Variants in POLR3H observed in about 807,000 individuals in gnomAD.
POLR3H encodes RNA polymerase III subunit H, also known as DNA-directed RNA polymerase III subunit RPC8.
In POLR3H, 17 loss-of-function variants were observed where a neutral mutation model predicts 25.5. That is an observed-to-expected ratio of 0.67 (90% confidence interval 0.46 to 1.00). The LOEUF is 1.00. POLR3H is among the 50% of genes least tolerant of loss of function. The probability of loss-of-function intolerance (pLI) is 0.00; values close to 1 mark genes in which losing one functional copy is unlikely to be tolerated. For missense variants in POLR3H, 274 were observed against 265.0 expected (o/e 1.03, Z -0.24); for synonymous variants, 129 against 103.0 (o/e 1.25, Z -1.53).
chr22:41,530,943 G>C, intron 4 of POLR3H, 55 bp from the exon 5 acceptor site: 1 of 1,554,798 alleles, frequency 6.4e-7, no homozygotes, highest in Non-Finnish European at 8.8e-7. Context: ...GCTTCCCTCA[G>C]CACCCACTCC....
rs2066618971 is a variant in POLR3H at position 41,527,224 on chromosome 22, G to A, written c.*2059C>T. On this transcript the variant is annotated 3_prime_UTR_variant, in exon 6 of 6. Coordinates refer to ENST00000355209, the MANE Select transcript of POLR3H (RefSeq NM_001018050.4). ...CCAGGTGGGTGAGGCCAGGCAGGTA[G>A]GGCCAGACAGGTGAGGACGGTGCCC... 3.1e-6 allele frequency: 5 copies of A among 1,612,246 alleles called. No individual in the cohort carries two copies. The highest frequency in any genetic ancestry group is 1.3e-5 in the African/African-American group (1 of 74,924).
At chr22:41,534,231 C>T (rs1384775045) in intron 2 of POLR3H, among the ~76,000 whole-genome samples, 1 of 152,168 alleles carries the variant, frequency 6.6e-6, no homozygotes, top group Non-Finnish European at 1.5e-5. Context: ...CATGATCCTG[C>T]GCCCAGGGAG....
At chr22:41,537,176 T>C (rs982622092) in intron 2 of POLR3H, among the ~76,000 whole-genome samples, 1 of 152,072 alleles carries the variant, frequency 6.6e-6, no homozygotes, top group African/African-American at 2.4e-5. Context: ...ACAAAGGCCA[T>C]CATCTGTGAG....
In POLR3H at chr22:41,532,152, G is replaced by A. The variant is rs568019918; in HGVS notation, c.301C>T (p.Leu101=). Residue 101 remains leucine (L), a synonymous_variant, in exon 4 of 6, where the codon CTA becomes TTA. Coordinates refer to ENST00000355209, the MANE Select transcript of POLR3H (RefSeq NM_001018050.4). The part of the protein sequence containing the change: ...GCSPEGVHVS[L]GFFDDILIPP... ...ATGAGAATGTCATCGAAGAAGCCTA[G>A]AGAGACTGGAAGGAAGGAAGCAGGT... 2 of 1,614,042 alleles carry A rather than the reference G, an allele frequency of 1.2e-6. No individual in the cohort carries two copies. The highest frequency in any genetic ancestry group is 2.2e-5 in the East Asian group (1 of 44,876).
chr22:41,527,608 AGG>A lies in POLR3H; in HGVS notation c.*1673_*1674del, dbSNP rs2066629442. On this transcript the variant is annotated 3_prime_UTR_variant, in exon 6 of 6. Transcript: ENST00000355209. ...GACGCTCAGCTTCCCGGCTTCCCGC[AGG>A]CCCTGCTTCCAGGCTTGTAGATCTG... is the stretch of plus-strand genomic sequence containing the variant. The A allele has an allele frequency of 6.8e-6, 6 of 887,838 alleles. No homozygotes were observed. The Admixed American group carries it at 8.7e-5, about 13-fold the overall frequency. The allele number at this position is 887,838 out of a possible 1,614,324, so 55.0% of individuals were successfully genotyped here. A position where few individuals can be genotyped will look rare whatever the true frequency, so the allele number is the denominator to read the frequency against.
chr22:41,527,529 G>T lies in POLR3H; in HGVS notation c.*1754C>A. ...CTGGTTCTAGGCTGTGTCCACTGCA[G>T]CCCACAGGCCCGTCAGCCTCTTGCC... On this transcript the variant is annotated 3_prime_UTR_variant, in exon 6 of 6. Transcript: ENST00000355209. 1 of 1,422,896 alleles carries T rather than the reference G, an allele frequency of 7.0e-7. No individual in the cohort carries two copies. The highest frequency in any genetic ancestry group is 1.4e-5 in the South Asian group (1 of 74,070). 88.1% of individuals were successfully genotyped at this position (1,422,896 alleles called of 1,614,324 possible).
rs968019101 is a variant in POLR3H at position 41,527,096 on chromosome 22, G to A, written c.*2187C>T. 7 of 759,810 alleles carry A rather than the reference G, an allele frequency of 9.2e-6. No individual in the cohort carries two copies. Among genetic ancestry groups the A allele is most frequent in the African/African-American group, 1.8e-5 (1 of 56,568 alleles). The allele number at this position is 759,810 out of a possible 1,614,324, so 47.1% of individuals were successfully genotyped here. On this transcript the variant is annotated 3_prime_UTR_variant, in exon 6 of 6. Transcript: ENST00000355209. ...AACCACGTGCCTCTGTCCCCTCGGG[G>A]CCTCGTTTGGGTCTCATTCACGCAG...
intron 1 of POLR3H, among the ~76,000 whole-genome samples, chr22:41,542,981 C>T (rs1428692661): frequency 3.9e-5 from 6 of 152,010 alleles, no homozygotes; most frequent in Non-Finnish European, 7.4e-5. Context: ...CCAGCCTGGG[C>T]GACAAGAGCG....
rs748713048 is a variant in POLR3H at position 41,528,062 on chromosome 22, G to A, written c.*1221C>T. 1.5e-5 allele frequency: 25 copies of A among 1,613,190 alleles called. No homozygotes were observed. The East Asian group carries it at 4.0e-4, about 26-fold the overall frequency. ...TCCCCCTGAGGTGGTGGGGTGAGGGGCAGCCACCTTGTTTCCCCTCCTGCA... is the reference window on the plus strand; with the variant it reads ...TCCCCCTGAGGTGGTGGGGTGAGGGACAGCCACCTTGTTTCCCCTCCTGCA... On this transcript the variant is annotated 3_prime_UTR_variant, in exon 6 of 6. Coordinates refer to ENST00000355209, the MANE Select transcript of POLR3H (RefSeq NM_001018050.4).
rs1340906204 is a variant in POLR3H, at chr22:41,526,974, C to T, written c.*2309G>A. On this transcript the variant is annotated 3_prime_UTR_variant, in exon 6 of 6. Coordinates refer to ENST00000355209, the MANE Select transcript of POLR3H (RefSeq NM_001018050.4). ...CTTCACAGATGCATCTTGTGTGGGG[C>T]CCGGAGGCCGTCCCTGTCTCACCCA... 4.3e-6 allele frequency: 2 copies of T among 459,858 alleles called. No homozygotes were observed. The highest frequency in any genetic ancestry group is 7.8e-6 in the Non-Finnish European group (2 of 255,108). 28.5% of individuals were successfully genotyped at this position (459,858 alleles called of 1,614,324 possible).
At chr22:41,531,330 T>C (rs2066729424) in intron 4 of POLR3H, among the ~76,000 whole-genome samples, 1 of 152,182 alleles carries the variant, frequency 6.6e-6, no homozygotes, top group Non-Finnish European at 1.5e-5. Context: ...ACCTGCCCAC[T>C]TGGATGACAG....
Position 41,528,666 on chromosome 22 carries a change from C to G in POLR3H, c.*617G>C. ...GCGTCAAGTTCAGCTCCACGTGTGC[C>G]ATCAGTGGATCCGATCCGTCCAGCC... On this transcript the variant is annotated 3_prime_UTR_variant, in exon 6 of 6. Transcript: ENST00000355209. 6.3e-7 allele frequency: 1 copy of G among 1,599,014 alleles called. No homozygotes were observed. The highest frequency in any genetic ancestry group is 1.1e-5 in the South Asian group (1 of 89,578).
chr22:41,533,609 C>G (rs1039717377), intron 2 of POLR3H: 1 of 1,301,668 alleles, frequency 7.7e-7, no homozygotes, highest in African/African-American at 1.5e-5. Context: ...ACCATTTAGT[C>G]GGCCAACATG....
In POLR3H at chr22:41,528,737, C is replaced by T. The variant is rs2066658890; in HGVS notation, c.*546G>A. On this transcript the variant is annotated 3_prime_UTR_variant, in exon 6 of 6. Coordinates refer to ENST00000355209, the MANE Select transcript of POLR3H (RefSeq NM_001018050.4). Reference sequence around the variant, plus strand: ...GGTGTGACCAGACATGCTTCCTGCTCCCCGCTTAGCCCACGGAGTGACTGT... The same window carrying T: ...GGTGTGACCAGACATGCTTCCTGCTTCCCGCTTAGCCCACGGAGTGACTGT... 1.5e-6 allele frequency: 2 copies of T among 1,347,104 alleles called. No homozygotes were observed. The highest frequency in any genetic ancestry group is 2.0e-6 in the Non-Finnish European group (2 of 1,006,722). 83.4% of individuals were successfully genotyped at this position (1,347,104 alleles called of 1,614,324 possible). A position where few individuals can be genotyped will look rare whatever the true frequency, so the allele number is the denominator to read the frequency against.
Position 41,527,014 on chromosome 22 carries a change from A to G in POLR3H, c.*2269T>C, listed in dbSNP as rs2066613183. 1.9e-6 allele frequency: 1 copy of G among 528,382 alleles called. No individual in the cohort carries two copies. Among genetic ancestry groups the G allele is most frequent in the Non-Finnish European group, 3.4e-6 (1 of 296,436 alleles). 32.7% of individuals were successfully genotyped at this position (528,382 alleles called of 1,614,324 possible). ...TGTCTCACCCAACCTCCCTCCACAC[A>G]CACCTGCCTCTGCCAAGCACCAATG... is the stretch of plus-strand genomic sequence containing the variant. On this transcript the variant is annotated 3_prime_UTR_variant, in exon 6 of 6. Transcript: ENST00000355209.
chr22:41,531,881 C>A (rs1332141871), intron 4 of POLR3H, among the ~76,000 whole-genome samples: 1 of 152,200 alleles, frequency 6.6e-6, no homozygotes, highest in Non-Finnish European at 1.5e-5. Flanking sequence ...GCCTGATGGC[C>A]CCGACAAAGA....
intron 2 of POLR3H, among the ~76,000 whole-genome samples, chr22:41,537,408 C>T (rs772323229): frequency 1.3e-5 from 2 of 152,174 alleles, no homozygotes; most frequent in Non-Finnish European, 2.9e-5. Context: ...TGGTGCTGAG[C>T]CCTTCAGCAC....
Position 41,528,750 on chromosome 22 carries a change from A to G in POLR3H, c.*533T>C, listed in dbSNP as rs2066659247. The G allele has an allele frequency of 1.0e-5, 13 of 1,271,152 alleles. No homozygotes were observed. In the East Asian group the frequency reaches 2.9e-4, roughly 28 times the overall value. 78.7% of individuals were successfully genotyped at this position (1,271,152 alleles called of 1,614,324 possible). A position where few individuals can be genotyped will look rare whatever the true frequency, so the allele number is the denominator to read the frequency against. On this transcript the variant is annotated 3_prime_UTR_variant, in exon 6 of 6. Coordinates refer to ENST00000355209, the MANE Select transcript of POLR3H (RefSeq NM_001018050.4). ...ATGCTTCCTGCTCCCCGCTTAGCCC[A>G]CGGAGTGACTGTGGTTGTGGTGGGG...
At chr22:41,537,826 G>A (rs77855694) in intron 2 of POLR3H, among the ~76,000 whole-genome samples, 1 of 149,790 alleles carries the variant, frequency 6.7e-6, no homozygotes, top group African/African-American at 2.5e-5. Context: ...TTTTTTTTTT[G>A]AGACGGGGTC....
Sources: gnomAD v4.1 joint callset for allele counts (sites outside exome capture counted in the v4.1 genomes callset) on GRCh38, gnomAD v4.1.1 for gene constraint, MANE v1.5 for transcripts, NCBI Gene and HGNC (gene_info 2026-07-23, HGNC 2026-07-21) for gene names.